The following OTX1 variants were observed in gnomAD, a reference collection of about 807,000 sequenced individuals.
The protein encoded by OTX1 is homeobox protein OTX1.
In OTX1, 7 loss-of-function variants were observed where a neutral mutation model predicts 26.7. That is an observed-to-expected ratio of 0.26 (90% CI 0.15 to 0.49). The LOEUF (loss-of-function observed/expected upper bound fraction) is 0.49, where lower values mean the gene tolerates loss of function less well. Among genes scored for constraint, OTX1 ranks in the 20% least tolerant of loss-of-function variants. The pLI is 0.98. For synonymous variants in OTX1, 216 were observed against 212.8 expected, an observed-to-expected ratio of 1.01 and a Z score of -0.13; for missense variants, 414 against 483.8, an observed-to-expected ratio of 0.86 and a Z score of 1.35.
upstream of OTX1, chr2:63,050,594 C>A (rs1051888105): frequency 1.3e-5 from 2 of 151,506 alleles, no homozygotes; most frequent in African/African-American, 4.8e-5. Flanking sequence ...CCTAGCTCTG[C>A]GCCGCTTTTG....
In OTX1 at chr2:63,056,916, C is replaced by G. The variant is rs1161023728; in HGVS notation, c.*600C>G. 6.5e-6 allele frequency: 1 copy of G among 152,748 alleles called. No homozygotes were observed. The highest frequency in any genetic ancestry group is 1.5e-5 in the Non-Finnish European group (1 of 68,516). The allele number at this position is 152,748 out of a possible 1,614,324, so 9.5% of individuals were successfully genotyped here. A position where few individuals can be genotyped will look rare whatever the true frequency, so the allele number is the denominator to read the frequency against. ...TGCGCTGGGGCGCGCCAGGGCTAGG[C>G]CCGCCGGAGGAGCGCGTCCCCAGCC... On this transcript the variant is annotated 3_prime_UTR_variant, in exon 5 of 5. Transcript: ENST00000282549.
Position 63,055,597 on chromosome 2 carries a change from C to A in OTX1, c.346C>A (p.Arg116=), listed in dbSNP as rs2062058005. 2 of 1,614,128 alleles carry A rather than the reference C, an allele frequency of 1.2e-6. No homozygotes were observed. Among genetic ancestry groups the A allele is most frequent in the South Asian group, 1.1e-5 (1 of 91,080 alleles). The change falls in exon 5 of 5, where the codon CGG becomes AGG. Residue 116 remains arginine, a synonymous_variant. Transcript: ENST00000282549. The surrounding 1 kb of genome is among the most constrained non-coding windows in gnomAD (Gnocchi z 5.2). ...AGCCAAGAAGAAGTCCTCTCCAGTG[C>A]GGGAGAGCTCGGGCTCCGAAAGCAG... is the stretch of plus-strand genomic sequence containing the variant. ...RPAKKKSSPV[R]ESSGSESSGQ...
chr2:63,053,033 C>A lies in OTX1; in HGVS notation c.43C>A (p.Leu15Met). The change falls in exon 3 of 5, where the codon CTG (leucine) becomes ATG (methionine). Residue 15 changes from leucine to methionine, a missense_variant. Physicochemically the swap from Leu to Met is conservative, Grantham distance 15. Transcript: ENST00000282549. ...ACAACCCCCATACGGCATGAACGGG[C>A]TGGGCCTGGCCGGGCCCGCCATGGA... is the stretch of plus-strand genomic sequence containing the variant. ...LKQPPYGMNG[L>M]GLAGPAMDLL... The A allele has an allele frequency of 6.2e-7, 1 of 1,607,754 alleles. No homozygotes were observed. Among genetic ancestry groups the A allele is most frequent in the South Asian group, 1.1e-5 (1 of 90,978 alleles).
At chr2:63,053,461 A>G (rs542104430) in intron 3 of OTX1, 1 of 213,412 alleles carries the variant, frequency 4.7e-6, no homozygotes, top group African/African-American at 2.3e-5. Context: ...AGGCCCTGAC[A>G]GAAAGAGCCA....
chr2:63,051,397 C>T (rs960675234), intron 2 of OTX1, 80 bp downstream of exon 2: 3 of 152,338 alleles, frequency 2.0e-5, no homozygotes, highest in African/African-American at 7.2e-5. Context: ...AAATGGATCC[C>T]GGCTTCCCCG....
rs2062068173 is a variant in OTX1, at chr2:63,056,368, C to T, written c.*52C>T. The T allele has an allele frequency of 1.3e-6, 2 of 1,484,400 alleles. No homozygotes were observed. The highest frequency in any genetic ancestry group is 1.4e-5 in the African/African-American group (1 of 71,788). 92.0% of individuals were successfully genotyped at this position (1,484,400 alleles called of 1,614,324 possible). The stretch of plus-strand genomic sequence containing the variant: ...CGCAACTACCTGCGCCCTCCGTGGT[C>T]CCGATCCTGTTGCTGCTGCTGCACC... On this transcript the variant is annotated 3_prime_UTR_variant, in exon 5 of 5. Coordinates refer to ENST00000282549, the MANE Select transcript of OTX1 (RefSeq NM_014562.4).
At chr2:63,052,840 G>A (rs752180082) in intron 2 of OTX1, 40 bp from the exon 3 acceptor site, 27 of 577,922 alleles carry the variant, frequency 4.7e-5, no homozygotes, top group Non-Finnish European at 6.7e-5. Context: ...CAGCCAAGTG[G>A]CTCCGATTGA....
At chr2:63,050,669 G>A (rs2153387571), upstream of OTX1, 1 of 151,564 alleles carries the variant, frequency 6.6e-6, no homozygotes, top group South Asian at 2.1e-4. Flanking sequence ...GGCGGGGTGT[G>A]GGGGGCGGGG....
Position 63,054,131 on chromosome 2 carries a change from G to T in OTX1, c.182G>T (p.Arg61Leu). 6.2e-7 allele frequency: 1 copy of T among 1,612,466 alleles called. No homozygotes were observed. Among genetic ancestry groups the T allele is most frequent in the Non-Finnish European group, 8.5e-7 (1 of 1,179,310 alleles). Residue 61 changes from arginine to leucine, a missense_variant, in exon 4 of 5, where the codon CGC (arginine) becomes CTC (leucine). Physicochemically the swap from Arg to Leu is moderately radical, Grantham distance 102 (BLOSUM62 -2). Transcript: ENST00000282549. ...CTCGAGGCGCTCTTCGCCAAGACTC[G>T]CTACCCTGACATCTTCATGCGGGAG... ...DVLEALFAKT[R>L]YPDIFMREEV...
chr2:63,054,648 C>G (rs2062050328), intron 4 of OTX1, among the ~76,000 whole-genome samples: 1 of 152,114 alleles, frequency 6.6e-6, no homozygotes, highest in South Asian at 2.1e-4. Context: ...TGGTGCTCTG[C>G]CTGGGTCTCA....
intron 4 of OTX1, among the ~76,000 whole-genome samples, chr2:63,054,422 G>A (rs1373248944): frequency 6.6e-6 from 1 of 152,260 alleles, no homozygotes; most frequent in Non-Finnish European, 1.5e-5. Flanking sequence ...TTAGCCCTAG[G>A]GCGCCTTCGG....
intron 2 of OTX1, among the ~76,000 whole-genome samples, chr2:63,052,525 C>A (rs2062033388): frequency 6.6e-6 from 1 of 152,234 alleles, no homozygotes; most frequent in African/African-American, 2.4e-5. Context: ...ACCAAGTGAA[C>A]CTTTGCTTGT....
rs367678506 is a variant in OTX1, at chr2:63,055,478, C to T, written c.250-23C>T. 2.6e-5 allele frequency: 42 copies of T among 1,600,728 alleles called. No homozygotes were observed. Among genetic ancestry groups the T allele is most frequent in the Middle Eastern group, 1.8e-4 (1 of 5,476 alleles). On this transcript the variant is annotated intron_variant, in intron 4 of 4. Coordinates refer to ENST00000282549, the MANE Select transcript of OTX1 (RefSeq NM_014562.4). The surrounding 1 kb of genome is among the most constrained non-coding windows in gnomAD (Gnocchi z 5.2). ...CTCCCCTAGCTCCCTTTGACCCACT[C>T]TCCCCCATCCGGCCCACTGCAGGTC...
chr2:63,057,341 A>T lies in OTX1; in HGVS notation c.*1025A>T, dbSNP rs2062076026. ...TTGGTTTCAGGAAGCTGGGCGCGGG[A>T]TATCCGAAGTGTGGAGGAAACAGAC... On this transcript the variant is annotated 3_prime_UTR_variant, in exon 5 of 5. Coordinates refer to ENST00000282549, the MANE Select transcript of OTX1 (RefSeq NM_014562.4). 6.6e-6 allele frequency: 1 copy of T among 152,108 alleles called. No homozygotes were observed. Among genetic ancestry groups the T allele is most frequent in the Non-Finnish European group, 1.5e-5 (1 of 68,104 alleles). The allele number at this position is 152,108 out of a possible 1,614,324, so 9.4% of individuals were successfully genotyped here.
chr2:63,052,247 G>A (rs1354980956), intron 2 of OTX1: 7 of 152,480 alleles, frequency 4.6e-5, no homozygotes, highest in Admixed American at 4.6e-4. Flanking sequence ...CCTCTGCGAA[G>A]CCTGGGCCCG....
In OTX1 at chr2:63,055,626, C is replaced by T; in HGVS notation, c.375C>T (p.Gly125=). 1 of 1,614,176 alleles carries T rather than the reference C, an allele frequency of 6.2e-7. No homozygotes were observed. The highest frequency in any genetic ancestry group is 8.5e-7 in the Non-Finnish European group (1 of 1,180,042). ...VRESSGSESS[G]QFTPPAVSSS... is the part of the protein sequence containing the mutation. Reference sequence around the variant, plus strand: ...AGAGCTCGGGCTCCGAAAGCAGTGGCCAATTCACGCCGCCAGCTGTGTCCA... The same window carrying T: ...AGAGCTCGGGCTCCGAAAGCAGTGGTCAATTCACGCCGCCAGCTGTGTCCA... The change falls in exon 5 of 5, where the codon GGC becomes GGT. Residue 125 remains glycine, a synonymous_variant. Coordinates refer to ENST00000282549, the MANE Select transcript of OTX1 (RefSeq NM_014562.4). The surrounding 1 kb of genome is among the most constrained non-coding windows in gnomAD (Gnocchi z 5.2).
At chr2:63,050,381 C>G (rs991105493), upstream of OTX1, among the ~76,000 whole-genome samples, 5 of 152,286 alleles carry the variant, frequency 3.3e-5, no homozygotes, top group African/African-American at 1.2e-4. Context: ...CCGCCGCCCC[C>G]GGGTCCTGGC....
chr2:63,051,890 G>T (rs2062029440), intron 2 of OTX1: 2 of 152,780 alleles, frequency 1.3e-5, no homozygotes, highest in South Asian at 4.1e-4. Flanking sequence ...CCCGGCAGCG[G>T]CGGGGGCGAG....
At chr2:63,050,428 G>T (rs986601468), upstream of OTX1, among the ~76,000 whole-genome samples, 1 of 152,166 alleles carries the variant, frequency 6.6e-6, no homozygotes. Flanking sequence ...TAGCGCGCGG[G>T]AGAGCGAAGG....
Sources: allele counts gnomAD v4.1 joint callset (sites outside exome capture counted in the v4.1 genomes callset), GRCh38; gene constraint gnomAD v4.1.1; non-coding constraint Gnocchi (gnomAD v3.1); transcripts MANE v1.5; gene names NCBI Gene and HGNC (gene_info 2026-07-23, HGNC 2026-07-21).